SPG11: variants seen among roughly 807,000 people sequenced by gnomAD.
The protein encoded by SPG11 is SPG11 vesicle trafficking associated, spatacsin.
Under a neutral mutation model 274.0 loss-of-function variants are expected in SPG11, and 222 were observed. The ratio of observed to expected loss-of-function variants is 0.81; its 90% CI spans 0.73 to 0.91. SPG11 has a LOEUF of 0.91. Among genes scored for constraint, SPG11 ranks in the 40% least tolerant of loss-of-function variants. The pLI, the probability that SPG11 is intolerant of heterozygous loss-of-function variation, is 0.00. For missense variants in SPG11, 3,114 were observed against 2,872.7 expected (o/e 1.08, Z -1.92); for synonymous variants, 1,144 against 1,039.7 (o/e 1.10, Z -1.93).
chr15:44,629,549 C>T (rs1411638639), intron 8 of SPG11, among the ~76,000 whole-genome samples, 161 bp from the exon 9 acceptor site: 1 of 152,192 alleles, frequency 6.6e-6, no homozygotes, highest in Non-Finnish European at 1.5e-5. Context: ...TTATTACCTG[C>T]AAACTTTAAT....
intron 18 of SPG11, 60 bp downstream of exon 18, chr15:44,610,780 A>AT (rs2083439706): frequency 1.4e-6 from 2 of 1,424,264 alleles, no homozygotes; most frequent in Admixed American, 3.3e-5. Context: ...TAGACAATCC[A>AT]TAGATAATTC....
At chr15:44,588,735 C>G (rs1180884388) in intron 28 of SPG11, 1 of 359,754 alleles carries the variant, frequency 2.8e-6, no homozygotes, top group Non-Finnish European at 5.7e-6. Context: ...AACCTTTGAT[C>G]AACCGCGGGT....
At chr15:44,587,320 C>G (rs1416288700) in intron 28 of SPG11, among the ~76,000 whole-genome samples, 1 of 152,152 alleles carries the variant, frequency 6.6e-6, no homozygotes, top group African/African-American at 2.4e-5. Flanking sequence ...GTGCCACCTG[C>G]TGGGCAGCAG....
At chr15:44,572,985 T>C (rs1001620203) in intron 32 of SPG11, among the ~76,000 whole-genome samples, 165 bp from the exon 33 acceptor site, 2 of 139,664 alleles carry the variant, frequency 1.4e-5, no homozygotes, top group Non-Finnish European at 3.1e-5. Context: ...GAGTTCTTTT[T>C]TTTTTTTTTT....
At chr15:44,597,094 T>G (rs1387437546) in intron 23 of SPG11, 151 bp from the exon 24 acceptor site, 14 of 736,430 alleles carry the variant, frequency 1.9e-5, no homozygotes, top group Non-Finnish European at 2.8e-5. Flanking sequence ...TTAGGCTACT[T>G]TGAAAAAAGT....
intron 28 of SPG11, among the ~76,000 whole-genome samples, chr15:44,588,096 C>T (rs1445141303): frequency 6.6e-6 from 1 of 152,114 alleles, no homozygotes; most frequent in East Asian, 1.9e-4. Context: ...AATCTGAGCT[C>T]TCCAGCTGAA....
rs1458918279 is a variant in SPG11 at position 44,570,577 on chromosome 15, G to A, written c.6425C>T (p.Ala2142Val). The change falls in exon 34 of 40, where the codon GCC becomes GTC. Residue 2142 changes from alanine (A) to valine (V), a missense_variant. By Grantham distance (64) the Ala-to-Val change is moderately conservative (BLOSUM62 0). Transcript: ENST00000261866. Reference sequence around the variant, plus strand: ...CAGGTGGTTATCTGTGAGCATGTGGGCGGCCTGTAGGACTCGGATGATGCC... The same window carrying A: ...CAGGTGGTTATCTGTGAGCATGTGGACGGCCTGTAGGACTCGGATGATGCC... ...MEGIIRVLQA[A>V]HMLTDNHLAP... 1 of 1,614,040 alleles carries A rather than the reference G, an allele frequency of 6.2e-7. No individual in the cohort carries two copies. Among genetic ancestry groups the A allele is most frequent in the African/African-American group, 1.3e-5 (1 of 74,938 alleles).
chr15:44,646,895 T>C (rs552334619), intron 7 of SPG11, among the ~76,000 whole-genome samples: 1 of 152,130 alleles, frequency 6.6e-6, no homozygotes, highest in Non-Finnish European at 1.5e-5. Context: ...ACCTGAGTGA[T>C]GAAATAATCT....
At chr15:44,634,393 G>C (rs2084175358) in intron 7 of SPG11, among the ~76,000 whole-genome samples, 1 of 151,378 alleles carries the variant, frequency 6.6e-6, no homozygotes, top group East Asian at 1.9e-4. Flanking sequence ...TCGTGCCTCA[G>C]CCTCTGGAGT....
chr15:44,623,457 A>C (rs1418256062), intron 11 of SPG11, among the ~76,000 whole-genome samples: 1 of 152,276 alleles, frequency 6.6e-6, no homozygotes, highest in Middle Eastern at 3.4e-3. Flanking sequence ...GCACCTCCTG[A>C]AAGTTACCAT....
At chr15:44,630,355 G>A (rs1448618559) in intron 8 of SPG11, among the ~76,000 whole-genome samples, 2 of 152,176 alleles carry the variant, frequency 1.3e-5, no homozygotes, top group Non-Finnish European at 2.9e-5. Context: ...CCACCCTTTA[G>A]AGCTGAGCAG....
intron 29 of SPG11, 57 bp downstream of exon 29, chr15:44,585,579 G>C: frequency 6.9e-7 from 1 of 1,458,418 alleles, no homozygotes; most frequent in African/African-American, 1.4e-5. Context: ...TCCAGCCTGG[G>C]TGACAGAGCA....
intron 27 of SPG11, among the ~76,000 whole-genome samples, chr15:44,589,898 C>T (rs145589425): frequency 0.014 from 2,183 of 152,320 alleles, 52 homozygotes; most frequent in East Asian, 0.096. Context: ...CTCTGCCTCC[C>T]GGCTTCAAGT....
Position 44,596,356 on chromosome 15 carries a change from C to T in SPG11, c.4162-1G>A. ...TGAAGTACTGGATAAGGGATTTCAC[C>T]TAGAAGGCATATCAGATGATTAAAC... On this transcript the variant is annotated splice_acceptor_variant, in intron 24 of 39. Coordinates refer to ENST00000261866, the MANE Select transcript of SPG11 (RefSeq NM_025137.4). LOFTEE classifies it high-confidence loss of function. 1 of 1,614,020 alleles carries T rather than the reference C, an allele frequency of 6.2e-7. No individual in the cohort carries two copies. Among genetic ancestry groups the T allele is most frequent in the Non-Finnish European group, 8.5e-7 (1 of 1,180,008 alleles).
In SPG11 at chr15:44,657,230, A is replaced by C. The variant is rs1358317137; in HGVS notation, c.734T>G (p.Met245Arg). The change falls in exon 4 of 40, where the codon ATG (methionine) becomes AGG (arginine). Residue 245 changes from methionine (M) to arginine (R), a missense_variant. Physicochemically the swap from Met to Arg is moderately conservative, Grantham distance 91 (BLOSUM62 -1). Transcript: ENST00000261866. ...TGGCTCCTGTTGCTGCTCATTACAC[A>C]TGTCTTCTTTGTGAAGTGCTAAATC... ...HVDLALHKED[M>R]CNEQQQEPAK... The C allele has an allele frequency of 6.2e-7, 1 of 1,613,994 alleles. No homozygotes were observed. The highest frequency in any genetic ancestry group is 1.3e-5 in the African/African-American group (1 of 75,058).
rs115898560 is a variant in SPG11, at chr15:44,635,424, A to G, written c.1603-1787T>C. 6.7e-3 allele frequency among the ~76,000 whole-genome samples: 1,012 copies of G among 151,812 alleles called. 12 individuals carry two copies. The highest frequency in any genetic ancestry group is 0.023 in the African/African-American group (965 of 41,394). On this transcript the variant is annotated intron_variant, in intron 7 of 39. Coordinates refer to ENST00000261866, the MANE Select transcript of SPG11 (RefSeq NM_025137.4). ...ACCTTGTTTCTAAAAAGGTTTTAGT[A>G]AAGACCTTGTCTCTACTAAAAAAAA...
chr15:44,588,510 A>G (rs1217977285), intron 28 of SPG11: 2 of 173,510 alleles, frequency 1.2e-5, no homozygotes, highest in Non-Finnish European at 2.5e-5. Context: ...TATAAGAATA[A>G]TTATATACTA....
At chr15:44,637,151 A>AGATTAGAC (rs780792980) in intron 7 of SPG11, among the ~76,000 whole-genome samples, 163 of 152,250 alleles carry the variant, frequency 1.1e-3, no homozygotes, top group Admixed American at 2.6e-3. Flanking sequence ...GTTTAATAGC[A>AGATTAGAC]GATTAGACAC....
At chr15:44,646,826 G>A (rs568660769) in intron 7 of SPG11, among the ~76,000 whole-genome samples, 25 of 152,236 alleles carry the variant, frequency 1.6e-4, no homozygotes, top group Admixed American at 1.4e-3. Flanking sequence ...GCTTACTTGA[G>A]GGTGGAGGGT....
Sources: gnomAD v4.1 joint callset for allele counts (sites outside exome capture counted in the v4.1 genomes callset) on GRCh38, gnomAD v4.1.1 for gene constraint, MANE v1.5 for transcripts, NCBI Gene and HGNC (gene_info 2026-07-23, HGNC 2026-07-21) for gene names.